The following UBE2K variants were observed in gnomAD, a reference collection of about 807,000 sequenced individuals.
The protein encoded by UBE2K is ubiquitin-conjugating enzyme E2 K.
A neutral mutation model predicts 30.0 loss-of-function variants in UBE2K; 6 were observed. The observed-to-expected ratio is 0.20, with a 90% confidence interval of 0.11 to 0.39. The LOEUF (loss-of-function observed/expected upper bound fraction) is 0.39, where lower values mean the gene tolerates loss of function less well. UBE2K is among the 10% of genes least tolerant of loss of function. The pLI is 1.00. For missense variants in UBE2K, 61 were observed against 241.6 expected (o/e 0.25, Z 4.96); for synonymous variants, 86 against 83.7 (o/e 1.03, Z -0.15).
intron 1 of UBE2K, among the ~76,000 whole-genome samples, chr4:39,700,286 G>A (rs1438589033): frequency 2.6e-5 from 4 of 152,126 alleles, no homozygotes; most frequent in African/African-American, 9.7e-5. Context: ...TTATACGTAA[G>A]GGATGTTGAA....
At chr4:39,732,450 T>C (rs1720124375) in intron 1 of UBE2K, among the ~76,000 whole-genome samples, 1 of 152,166 alleles carries the variant, frequency 6.6e-6, no homozygotes, top group African/African-American at 2.4e-5. Flanking sequence ...TTGAAAGAAT[T>C]TTTACAGTGA....
At chr4:39,715,344 A>G (rs1719002227) in intron 1 of UBE2K, among the ~76,000 whole-genome samples, 1 of 151,436 alleles carries the variant, frequency 6.6e-6, no homozygotes, top group South Asian at 2.1e-4. Context: ...TTTTTAAAAA[A>G]AATTTTTGTA....
intron 1 of UBE2K, among the ~76,000 whole-genome samples, chr4:39,716,272 C>CTGTCTGTCTGTT (rs1719051653): frequency 6.6e-6 from 1 of 152,122 alleles, no homozygotes; most frequent in Non-Finnish European, 1.5e-5. Context: ...TGGTGTCTGT[C>CTGTCTGTCTGTT]TGTCTATCTA....
intron 4 of UBE2K, among the ~76,000 whole-genome samples, chr4:39,767,665 A>AGATATAT (rs1302161176): frequency 1.3e-5 from 2 of 152,070 alleles, no homozygotes; most frequent in Non-Finnish European, 2.9e-5. Context: ...TGCCTTGTTG[A>AGATATAT]GATATATGTT....
At chr4:39,722,034 C>A (rs1719448421) in intron 1 of UBE2K, among the ~76,000 whole-genome samples, 3 of 152,124 alleles carry the variant, frequency 2.0e-5, no homozygotes, top group African/African-American at 7.2e-5. Flanking sequence ...GTGCCATGAT[C>A]ATGGCTCACT....
intron 1 of UBE2K, among the ~76,000 whole-genome samples, chr4:39,711,876 C>CT (rs1718710293): frequency 6.6e-6 from 1 of 151,540 alleles, no homozygotes; most frequent in African/African-American, 2.4e-5. Flanking sequence ...CGTCTCTCTA[C>CT]TAAAAATACA....
chr4:39,774,728 C>A, intron 4 of UBE2K, 106 bp from the exon 5 acceptor site: 1 of 476,354 alleles, frequency 2.1e-6, no homozygotes, highest in Non-Finnish European at 3.5e-6. Context: ...AGATAAAGAT[C>A]TAAGTAACTT....
At chr4:39,751,608 G>A (rs1448177066) in intron 3 of UBE2K, among the ~76,000 whole-genome samples, 2 of 152,176 alleles carry the variant, frequency 1.3e-5, no homozygotes, top group East Asian at 3.9e-4. Flanking sequence ...TCAGGAGCTC[G>A]AGGATGCAGT....
At chr4:39,756,845 T>C (rs1721538840) in intron 4 of UBE2K, among the ~76,000 whole-genome samples, 1 of 152,152 alleles carries the variant, frequency 6.6e-6, no homozygotes, top group South Asian at 2.1e-4. Context: ...TTTACTCTTT[T>C]ACAAGAGAAG....
At position 39,759,769 on chromosome 4, in the gene UBE2K, C is replaced by T. The variant is rs117059517; in HGVS notation, c.299+4030C>T. Among the ~76,000 whole-genome samples, 95 of 152,222 alleles carry T rather than the reference C, an allele frequency of 6.2e-4. 3 individuals are homozygous for T. The East Asian group carries it at 0.015, about 24-fold the overall frequency. ...AACAGGCACAGAATATCTGCCTGGT[C>T]GATAAGGTATGCTCAGCATCATTAC... On this transcript the variant is annotated intron_variant, in intron 4 of 6. Transcript: ENST00000261427.
rs913825393 is a variant in UBE2K at position 39,762,035 on chromosome 4, C to T, written c.299+6296C>T. Among the ~76,000 whole-genome samples the T allele has an allele frequency of 1.4e-4, 21 of 151,612 alleles. 2 individuals are homozygous for T. In the South Asian group the frequency reaches 2.9e-3, roughly 21 times the overall value. On this transcript the variant is annotated intron_variant, in intron 4 of 6. Coordinates refer to ENST00000261427, the MANE Select transcript of UBE2K (RefSeq NM_005339.5). The stretch of plus-strand genomic sequence containing the variant: ...CTAAAAATAAAAATAAAAAATTAGC[C>T]GGGCGTAGTGGCATGCGCCTGTAAT...
At chr4:39,714,584 G>T in intron 1 of UBE2K, 3 of 83,700 alleles carry the variant, frequency 3.6e-5, no homozygotes, top group Non-Finnish European at 4.3e-5. Flanking sequence ...GTCTCTCTCT[G>T]TTGCCAGGCT....
intron 4 of UBE2K, among the ~76,000 whole-genome samples, chr4:39,758,852 A>G (rs1000636086): frequency 6.6e-6 from 1 of 152,154 alleles, no homozygotes; most frequent in African/African-American, 2.4e-5. Flanking sequence ...TTATACCAAA[A>G]CATTTTCTCC....
At chr4:39,772,104 T>A (rs188488244) in intron 4 of UBE2K, among the ~76,000 whole-genome samples, 70 of 152,322 alleles carry the variant, frequency 4.6e-4, no homozygotes, top group African/African-American at 1.7e-3. Context: ...TCCTAAATGC[T>A]GGGATTACAG....
At chr4:39,766,165 T>G (rs1027077937) in intron 4 of UBE2K, among the ~76,000 whole-genome samples, 2 of 151,524 alleles carry the variant, frequency 1.3e-5, no homozygotes, top group African/African-American at 4.9e-5. Flanking sequence ...TTGTGTGTGT[T>G]TTTGTCTGTG....
chr4:39,773,268 G>A (rs536377392), intron 4 of UBE2K, among the ~76,000 whole-genome samples: 3 of 151,232 alleles, frequency 2.0e-5, no homozygotes, highest in African/African-American at 7.3e-5. Flanking sequence ...AGGAGATCAA[G>A]ACCATCCTGT....
intron 1 of UBE2K, among the ~76,000 whole-genome samples, chr4:39,732,173 C>T (rs1020292253): frequency 1.3e-5 from 2 of 152,096 alleles, no homozygotes; most frequent in African/African-American, 2.4e-5. Flanking sequence ...ATACTTTATT[C>T]GTTAAATTCA....
intron 1 of UBE2K, among the ~76,000 whole-genome samples, chr4:39,733,054 A>G (rs1234339388): frequency 2.3e-3 from 20 of 8,856 alleles, no homozygotes; most frequent in East Asian, 0.029. Flanking sequence ...ACATCAGGAA[A>G]AAAAAAAAAA....
chr4:39,770,830 C>G, intron 4 of UBE2K: 1 of 1,542,666 alleles, frequency 6.5e-7, no homozygotes, highest in Non-Finnish European at 8.7e-7. Flanking sequence ...ATGTCAGATA[C>G]GTCCTCATCC....
Sources: gnomAD v4.1 joint callset for allele counts (sites outside exome capture counted in the v4.1 genomes callset) on GRCh38, gnomAD v4.1.1 for gene constraint, MANE v1.5 for transcripts, NCBI Gene and HGNC (gene_info 2026-07-23, HGNC 2026-07-21) for gene names.